MOK: variants seen among roughly 807,000 people sequenced by gnomAD.
MOK encodes MOK protein kinase.
MOK carries 59 observed loss-of-function variants against 54.2 expected under a neutral mutation model. The ratio of observed to expected loss-of-function variants is 1.09; its 90% confidence interval spans 0.88 to 1.35. The LOEUF (loss-of-function observed/expected upper bound fraction) is 1.35. Ranked by LOEUF, MOK falls within the 40% of genes most tolerant of loss-of-function variation. The pLI, the probability that MOK is intolerant of heterozygous loss-of-function variation, is 0.00. For missense variants in MOK, 517 were observed against 526.2 expected (o/e 0.98, Z 0.17); for synonymous variants, 210 against 202.7 (o/e 1.04, Z -0.31).
At chr14:102,271,530 AG>A (rs1233983301) in intron 2 of MOK, among the ~76,000 whole-genome samples, 1 of 152,202 alleles carries the variant, frequency 6.6e-6, no homozygotes, top group Non-Finnish European at 1.5e-5. Flanking sequence ...TTGTTCTGTT[AG>A]ACCTGAAAAC....
At chr14:102,219,063 G>A in the MOK span, among the ~76,000 whole-genome samples, 32 of 152,296 alleles carry the variant, frequency 2.1e-4, no homozygotes, top group African/African-American at 5.5e-4. Context: ...AGTTTGACAC[G>A]GATGACCATT....
intron 2 of MOK, among the ~76,000 whole-genome samples, chr14:102,275,239 AT>A (rs1223506549): frequency 6.6e-6 from 1 of 152,116 alleles, no homozygotes. Context: ...CTGATGCTTG[AT>A]CCCTACCGCT....
At chr14:102,263,512 G>A (rs2067647011) in intron 4 of MOK, 34 bp downstream of exon 4, 2 of 1,455,742 alleles carry the variant, frequency 1.4e-6, no homozygotes, top group African/African-American at 2.8e-5. Context: ...CTTAAAAGAG[G>A]ATCTTAGGTT....
At position 102,244,655 on chromosome 14, in the gene MOK, G is replaced by A. The variant is rs531262775; in HGVS notation, c.590+6157C>T. Among the ~76,000 whole-genome samples, 16 of 152,164 alleles carry A rather than the reference G, an allele frequency of 1.1e-4. 1 individual carries two copies. The South Asian group carries it at 2.5e-3, about 24-fold the overall frequency. ...GAGTCAGGAAACTAAAATACGTCTC[G>A]GTCTAGATAGACACTTTCACTGGAT... is the stretch of plus-strand genomic sequence containing the variant. On this transcript the variant is annotated intron_variant, in intron 7 of 11. Transcript: ENST00000361847.
intron 2 of MOK, among the ~76,000 whole-genome samples, chr14:102,266,581 TTTGA>T (rs1189002953): frequency 1.3e-5 from 2 of 151,852 alleles, no homozygotes; most frequent in African/African-American, 4.8e-5. Context: ...CTATACTCTT[TTTGA>T]TTTTTTGTTT....
chr14:102,275,083 G>C (rs1258123559), intron 2 of MOK, among the ~76,000 whole-genome samples: 1 of 152,054 alleles, frequency 6.6e-6, no homozygotes, highest in Non-Finnish European at 1.5e-5. Flanking sequence ...CAGTCAAAGA[G>C]AGCAATGAAA....
intron 1 of MOK, among the ~76,000 whole-genome samples, chr14:102,299,768 G>C (rs116691583): frequency 0.015 from 2,207 of 152,198 alleles, 54 homozygotes; most frequent in African/African-American, 0.051. Context: ...AAATTTAGTA[G>C]AGACAGAGTC....
At chr14:102,237,324 T>C (rs2065311004) in intron 7 of MOK, among the ~76,000 whole-genome samples, 1 of 152,214 alleles carries the variant, frequency 6.6e-6, no homozygotes. Context: ...TCAAAGGGTA[T>C]AGAGTCTCCC....
Position 102,271,640 on chromosome 14 carries a change from ACT to A in MOK, c.123-5730_123-5729del, listed in dbSNP as rs1226634861. ...CGAGCGCAACCTCGGCTCACTGCAA[ACT>A]CTGCCTCCAGGGTTCAAGCCATACT... On this transcript the variant is annotated intron_variant, in intron 2 of 11. Transcript: ENST00000361847. Among the ~76,000 whole-genome samples the A allele has an allele frequency of 1.1e-4, 17 of 150,262 alleles. 1 individual carries two copies. The highest frequency in any genetic ancestry group is 3.4e-4 in the African/African-American group (14 of 40,808).
Position 102,251,966 on chromosome 14 carries a change from T to G in MOK, c.313A>C (p.Ile105Leu). ...CATAACTGGTACATATAGTGCATAATTTTTTTTTCTGATAATGGGTATCTT... is the reference window on the plus strand; with the variant it reads ...CATAACTGGTACATATAGTGCATAAGTTTTTTTTCTGATAATGGGTATCTT... ...GRRYPLSEKK[I>L]MHYMYQLCKS... Residue 105 changes from isoleucine to leucine, a missense_variant, in exon 5 of 12, where the codon ATT becomes CTT. By Grantham distance (5) the Ile-to-Leu change is conservative. Coordinates refer to ENST00000361847, the MANE Select transcript of MOK (RefSeq NM_014226.3). 1 of 1,589,814 alleles carries G rather than the reference T, an allele frequency of 6.3e-7. No homozygotes were observed. Among genetic ancestry groups the G allele is most frequent in the Non-Finnish European group, 8.6e-7 (1 of 1,161,882 alleles).
At chr14:102,223,131 C>G (rs1263990763), downstream of MOK, 3 of 371,066 alleles carry the variant, frequency 8.1e-6, no homozygotes, top group Admixed American at 1.3e-4. Flanking sequence ...AGTTTTCTTG[C>G]TTTTTACTCT....
At chr14:102,227,549 T>G (rs560452956), downstream of MOK, among the ~76,000 whole-genome samples, 1 of 152,286 alleles carries the variant, frequency 6.6e-6, no homozygotes, top group South Asian at 2.1e-4. Context: ...GGGAAAGGCC[T>G]GCACTGCACC....
At chr14:102,248,992 C>T (rs76490485) in intron 7 of MOK, among the ~76,000 whole-genome samples, 5,930 of 151,762 alleles carry the variant, frequency 0.039, 117 homozygotes, top group Middle Eastern at 0.051. Flanking sequence ...CTGCCTAGTC[C>T]CCTCGACCAG....
In MOK at chr14:102,304,963, C is replaced by T. The variant is rs996806838; in HGVS notation, c.6G>A (p.Lys2=). The T allele has an allele frequency of 1.2e-5, 20 of 1,610,214 alleles. No individual in the cohort carries two copies. The highest frequency in any genetic ancestry group is 1.5e-5 in the Non-Finnish European group (18 of 1,178,666). Reference sequence around the variant, plus strand: ...GCCCCTTTCCCCGGCCCCACTCACTCTTCATCTTGGATGCGGAAGCCGGTG... The same window carrying T: ...GCCCCTTTCCCCGGCCCCACTCACTTTTCATCTTGGATGCGGAAGCCGGTG... M[K]NYKAIGKIGE... Residue 2 remains lysine, a splice_region_variant and synonymous_variant, in exon 1 of 12, where the codon AAG becomes AAA. Transcript: ENST00000361847.
chr14:102,233,155 A>G (rs1395191858), intron 8 of MOK: 1 of 147,472 alleles, frequency 6.8e-6, no homozygotes, highest in Non-Finnish European at 1.5e-5. Context: ...AAAAAAGAAG[A>G]GTCCAAAATG....
At position 102,301,702 on chromosome 14, in the gene MOK, A is replaced by G. The variant is rs114949744; in HGVS notation, c.7+3260T>C. 4.6e-3 allele frequency among the ~76,000 whole-genome samples: 704 copies of G among 152,352 alleles called. 6 individuals carry two copies. The highest frequency in any genetic ancestry group is 0.016 in the African/African-American group (654 of 41,590). On this transcript the variant is annotated intron_variant, in intron 1 of 11. Transcript: ENST00000361847. ...TGATCAGGATGTAAACCAGGGGGAT[A>G]AAAGGTTACAATAATTCTTAGAGTA...
At chr14:102,292,884 A>G (rs569257629) in intron 1 of MOK, among the ~76,000 whole-genome samples, 18 of 152,310 alleles carry the variant, frequency 1.2e-4, no homozygotes, top group Non-Finnish European at 2.2e-4. Flanking sequence ...CTGTAATCCC[A>G]GCACTTTGTG....
chr14:102,241,655 C>A (rs2065729060), intron 7 of MOK, among the ~76,000 whole-genome samples: 1 of 152,192 alleles, frequency 6.6e-6, no homozygotes, highest in Admixed American at 6.5e-5. Flanking sequence ...CTGCTCCTGA[C>A]ATTAGAAAAA....
chr14:102,289,326 G>C (rs182334796), intron 1 of MOK, among the ~76,000 whole-genome samples: 1 of 152,134 alleles, frequency 6.6e-6, no homozygotes, highest in African/African-American at 2.4e-5. Flanking sequence ...TATATACAGG[G>C]AAAATCACAA....
Sources: allele counts gnomAD v4.1 joint callset (sites outside exome capture counted in the v4.1 genomes callset), GRCh38; gene constraint gnomAD v4.1.1; transcripts MANE v1.5; gene names NCBI Gene and HGNC (gene_info 2026-07-23, HGNC 2026-07-21).